The following AOPEP variants were observed in gnomAD, a reference collection of about 807,000 sequenced individuals.
AOPEP encodes aminopeptidase O.
Under a neutral mutation model 98.1 loss-of-function variants are expected in AOPEP, and 77 were observed. That is an observed-to-expected ratio of 0.78 (90% CI 0.65 to 0.95). The LOEUF (loss-of-function observed/expected upper bound fraction) is 0.95, where lower values mean the gene tolerates loss of function less well. Ranked by LOEUF, AOPEP falls within the 40% of genes least tolerant of loss-of-function variation. The pLI is 0.00. For synonymous variants in AOPEP, 346 were observed against 365.3 expected, an observed-to-expected ratio of 0.95 and a Z score of 0.60; for missense variants, 1,024 against 1,024.7, an observed-to-expected ratio of 1.00 and a Z score of 0.01.
chr9:94,790,077 G>A lies in AOPEP; in HGVS notation c.965-2688G>A, dbSNP rs377248279. On this transcript the variant is annotated intron_variant, in intron 3 of 16. Transcript: ENST00000375315. ...TTTTTAGTAGAGACGGGGTTTCACC[G>A]TGTTAGCCAGGATGGTCTCGATCTC... 1.1e-4 allele frequency among the ~76,000 whole-genome samples: 17 copies of A among 150,622 alleles called. 1 individual carries two copies. The highest frequency in any genetic ancestry group is 2.9e-4 in the African/African-American group (12 of 40,920).
chr9:95,005,454 A>G, intron 12 of AOPEP, 88 bp from the exon 13 acceptor site: 1 of 1,311,528 alleles, frequency 7.6e-7, no homozygotes, highest in South Asian at 1.2e-5. Context: ...CCAGGTCGCG[A>G]GGCCGGGGGT....
At chr9:94,827,065 C>T in intron 5 of AOPEP, among the ~76,000 whole-genome samples, 1 of 152,290 alleles carries the variant, frequency 6.6e-6, no homozygotes, top group East Asian at 1.9e-4. Context: ...GAGATGGATA[C>T]ATGCCCCCTT....
intron 13 of AOPEP, among the ~76,000 whole-genome samples, chr9:95,042,243 C>T (rs1238370445): frequency 6.6e-6 from 1 of 151,886 alleles, no homozygotes; most frequent in African/African-American, 2.4e-5. Flanking sequence ...ACCCAGGAGG[C>T]AGAGCTTGCA....
intron 5 of AOPEP, among the ~76,000 whole-genome samples, chr9:94,857,969 C>T (rs1285193304): frequency 6.6e-6 from 1 of 151,188 alleles, no homozygotes; most frequent in Non-Finnish European, 1.5e-5. Flanking sequence ...ACTGGCGTAC[C>T]CTGGTGTGAT....
At chr9:95,122,833 T>C in the AOPEP span, among the ~76,000 whole-genome samples, 5 of 152,124 alleles carry the variant, frequency 3.3e-5, no homozygotes, top group African/African-American at 4.8e-5. Context: ...CTACAAAGAA[T>C]GCACAAGGGA....
chr9:95,093,611 C>T, the AOPEP span, among the ~76,000 whole-genome samples: 1 of 152,184 alleles, frequency 6.6e-6, no homozygotes, highest in African/African-American at 2.4e-5. Context: ...TAAGTTTTCT[C>T]TGCCTTTTCA....
intron 7 of AOPEP, among the ~76,000 whole-genome samples, chr9:94,948,458 G>T (rs2057850436): frequency 6.9e-6 from 1 of 144,906 alleles, no homozygotes; most frequent in Non-Finnish European, 1.5e-5. Flanking sequence ...TCTTTTAAGT[G>T]CTCACAAACT....
At chr9:95,148,660 TA>T in the AOPEP span, among the ~76,000 whole-genome samples, 2 of 152,230 alleles carry the variant, frequency 1.3e-5, no homozygotes, top group South Asian at 4.1e-4. Context: ...TTGGAAGATA[TA>T]CATAACTCAA....
intron 13 of AOPEP, among the ~76,000 whole-genome samples, chr9:95,008,269 A>C (rs1329898361): frequency 1.3e-5 from 2 of 152,118 alleles, no homozygotes; most frequent in Non-Finnish European, 2.9e-5. Context: ...TAGATGAGTA[A>C]ATTCGGTGAA....
chr9:95,086,764 G>T lies in AOPEP; in HGVS notation c.*87G>T, dbSNP rs1026514427. 8.1e-6 allele frequency: 8 copies of T among 988,006 alleles called. No individual in the cohort carries two copies. Among genetic ancestry groups the T allele is most frequent in the Non-Finnish European group, 9.6e-6 (8 of 830,150 alleles). The allele number at this position is 988,006 out of a possible 1,614,324, so 61.2% of individuals were successfully genotyped here. On this transcript the variant is annotated 3_prime_UTR_variant, in exon 17 of 17. Coordinates refer to ENST00000375315, the MANE Select transcript of AOPEP (RefSeq NM_001193329.3). The stretch of plus-strand genomic sequence containing the variant: ...GAACTGACCCTGGACATCAAAGGAG[G>T]GATTATGTGGCTGCTAAAGCCATCG...
At chr9:95,054,738 G>T (rs541939830) in intron 13 of AOPEP, among the ~76,000 whole-genome samples, 4 of 152,150 alleles carry the variant, frequency 2.6e-5, no homozygotes, top group African/African-American at 7.2e-5. Flanking sequence ...GCTTTTCTTT[G>T]TATAAAATGA....
chr9:95,038,110 G>A (rs2064988501), intron 13 of AOPEP, among the ~76,000 whole-genome samples: 1 of 152,200 alleles, frequency 6.6e-6, no homozygotes, highest in South Asian at 2.1e-4. Flanking sequence ...GTACTGTCCT[G>A]ATGCAGGAGA....
At chr9:94,981,871 A>G (rs906808381) in intron 11 of AOPEP, among the ~76,000 whole-genome samples, 18 of 152,204 alleles carry the variant, frequency 1.2e-4, no homozygotes, top group South Asian at 4.1e-4. Context: ...TTTTCATTCC[A>G]CAGGTTACAG....
chr9:95,034,860 T>C (rs2064646072), intron 13 of AOPEP, among the ~76,000 whole-genome samples: 2 of 152,204 alleles, frequency 1.3e-5, no homozygotes, highest in Non-Finnish European at 2.9e-5. Context: ...AATCGCTGCA[T>C]TGGATTGATT....
the AOPEP span, chr9:95,126,951 A>C: frequency 7.2e-6 from 2 of 277,890 alleles, no homozygotes; most frequent in Non-Finnish European, 1.4e-5. Context: ...TGCCTGTGTG[A>C]CCTCCTCAAA....
At chr9:94,913,967 C>G (rs888721962) in intron 5 of AOPEP, among the ~76,000 whole-genome samples, 1 of 152,200 alleles carries the variant, frequency 6.6e-6, no homozygotes, top group Non-Finnish European at 1.5e-5. Context: ...CTGAGCTAGG[C>G]AGAAGTTTGT....
At chr9:95,089,985 G>C (rs1350471397), downstream of AOPEP, among the ~76,000 whole-genome samples, 1 of 152,260 alleles carries the variant, frequency 6.6e-6, no homozygotes, top group Non-Finnish European at 1.5e-5. Context: ...TAGAAGCCAA[G>C]AAACACCTGC....
chr9:95,096,998 C>T, the AOPEP span, among the ~76,000 whole-genome samples: 1 of 152,226 alleles, frequency 6.6e-6, no homozygotes, highest in Non-Finnish European at 1.5e-5. Flanking sequence ...AAAGTTTTGT[C>T]ACCACTGGTG....
chr9:94,868,790 A>G (rs945415848), intron 5 of AOPEP, among the ~76,000 whole-genome samples: 1 of 152,176 alleles, frequency 6.6e-6, no homozygotes, highest in African/African-American at 2.4e-5. Context: ...AGCAACCACT[A>G]TAATTTTCTA....
Sources: allele counts gnomAD v4.1 joint callset (sites outside exome capture counted in the v4.1 genomes callset), GRCh38; gene constraint gnomAD v4.1.1; transcripts MANE v1.5; gene names NCBI Gene and HGNC (gene_info 2026-07-23, HGNC 2026-07-21).